Variants in LRRC8D observed in about 807,000 individuals in gnomAD.
LRRC8D encodes the protein volume-regulated anion channel subunit LRRC8D.
In LRRC8D, 20 loss-of-function variants were observed where a neutral mutation model predicts 55.8. That is an observed-to-expected ratio of 0.36 (90% CI 0.25 to 0.52). The LOEUF (loss-of-function observed/expected upper bound fraction) is 0.52. Among genes scored for constraint, LRRC8D ranks in the 20% least tolerant of loss-of-function variants. The probability of loss-of-function intolerance (pLI) is 0.93; values close to 1 mark genes in which losing one functional copy is unlikely to be tolerated. For missense variants in LRRC8D, 651 were observed against 1,030.8 expected (o/e 0.63, Z 5.05); for synonymous variants, 352 against 377.0 (o/e 0.93, Z 0.77).
chr1:89,857,435 A>G (rs1337849621), intron 2 of LRRC8D, among the ~76,000 whole-genome samples: 1 of 150,874 alleles, frequency 6.6e-6, no homozygotes, highest in African/African-American at 2.4e-5. Flanking sequence ...ATTATAGGTG[A>G]TTTTGACTTT....
chr1:89,892,086 T>G (rs1385891488), intron 2 of LRRC8D, among the ~76,000 whole-genome samples: 1 of 152,224 alleles, frequency 6.6e-6, no homozygotes. Flanking sequence ...CATGCTACAT[T>G]GTTCCGTTTC....
intron 2 of LRRC8D, among the ~76,000 whole-genome samples, chr1:89,923,605 A>C (rs1445446094): frequency 6.6e-6 from 1 of 152,216 alleles, no homozygotes; most frequent in Non-Finnish European, 1.5e-5. Flanking sequence ...TATGGAACCC[A>C]AAAAAAGCCA....
At chr1:89,875,626 T>G (rs1019333964) in intron 2 of LRRC8D, among the ~76,000 whole-genome samples, 11 of 152,200 alleles carry the variant, frequency 7.2e-5, no homozygotes, top group African/African-American at 2.7e-4. Flanking sequence ...CTTCCACCTC[T>G]TTTAAGGTCT....
rs931043625 is a variant in LRRC8D at position 89,911,503 on chromosome 1, C to T, written c.-2-21564C>T. ...ATGTTCAAAATAAGAAACAAGTAGC[C>T]GTAAGAAAAACATCTTGGTACTCTC... On this transcript the variant is annotated intron_variant, in intron 2 of 2. Transcript: ENST00000337338. The surrounding 1 kb of genome is among the most constrained non-coding windows in gnomAD (Gnocchi z 4.0). 3.3e-5 allele frequency among the ~76,000 whole-genome samples: 5 copies of T among 152,052 alleles called. No individual in the cohort carries two copies. The highest frequency in any genetic ancestry group is 5.9e-5 in the Non-Finnish European group (4 of 68,032).
intron 2 of LRRC8D, among the ~76,000 whole-genome samples, chr1:89,883,094 T>C (rs890638574): frequency 5.3e-5 from 8 of 152,094 alleles, no homozygotes; most frequent in African/African-American, 1.4e-4. Context: ...CTGAGGAGGC[T>C]GAGACGGGAG....
intron 2 of LRRC8D, among the ~76,000 whole-genome samples, chr1:89,919,284 C>G (rs556636449): frequency 1.1e-4 from 16 of 152,284 alleles, no homozygotes; most frequent in Admixed American, 8.5e-4. Flanking sequence ...TACTCAGGTT[C>G]TTTTCCAGCA....
chr1:89,858,643 TA>T (rs1166652093), intron 2 of LRRC8D, among the ~76,000 whole-genome samples: 1 of 146,376 alleles, frequency 6.8e-6, no homozygotes, highest in African/African-American at 2.5e-5. Context: ...TTTTAGTAAA[TA>T]AAATTTTGTA....
chr1:89,823,238 T>C (rs1312058465), intron 1 of LRRC8D, among the ~76,000 whole-genome samples: 1 of 152,204 alleles, frequency 6.6e-6, no homozygotes, highest in Non-Finnish European at 1.5e-5. Flanking sequence ...GATGCAACAC[T>C]TAAAGTATTG....
chr1:89,933,013 T>C lies in LRRC8D; in HGVS notation c.-2-54T>C. On this transcript the variant is annotated intron_variant, in intron 2 of 2. Coordinates refer to ENST00000337338, the MANE Select transcript of LRRC8D (RefSeq NM_001134479.2). The surrounding 1 kb of genome is among the most constrained non-coding windows in gnomAD (Gnocchi z 7.0). Reference sequence around the variant, plus strand: ...GAGCAGGCATAGGGTTTTTCTCATTTACTCTTTTCATTTGCATCTCTAGAA... The same window carrying C: ...GAGCAGGCATAGGGTTTTTCTCATTCACTCTTTTCATTTGCATCTCTAGAA... 2.0e-6 allele frequency: 3 copies of C among 1,516,662 alleles called. No homozygotes were observed. The South Asian group carries it at 3.8e-5, about 19-fold the overall frequency. 94.0% of individuals were successfully genotyped at this position (1,516,662 alleles called of 1,614,324 possible).
At chr1:89,891,559 C>T (rs1464773881) in intron 2 of LRRC8D, among the ~76,000 whole-genome samples, 1 of 152,182 alleles carries the variant, frequency 6.6e-6, no homozygotes, top group East Asian at 1.9e-4. Context: ...GTGCCTGCAA[C>T]AGTTATTGCT....
intron 2 of LRRC8D, among the ~76,000 whole-genome samples, chr1:89,871,145 A>G (rs527964843): frequency 4.6e-5 from 7 of 152,310 alleles, no homozygotes; most frequent in African/African-American, 1.7e-4. Context: ...TTCATTTGCC[A>G]CTGCTAGAAG....
At chr1:89,901,434 G>A (rs1662846439) in intron 2 of LRRC8D, among the ~76,000 whole-genome samples, 1 of 152,196 alleles carries the variant, frequency 6.6e-6, no homozygotes, top group Non-Finnish European at 1.5e-5. Flanking sequence ...GATTTAACCT[G>A]GAAGGAGTTG....
chr1:89,884,776 C>T (rs569282183), intron 2 of LRRC8D, among the ~76,000 whole-genome samples: 3 of 152,172 alleles, frequency 2.0e-5, no homozygotes, highest in Non-Finnish European at 2.9e-5. Context: ...AACCAGAGAA[C>T]GGCACAGTAA....
intron 2 of LRRC8D, among the ~76,000 whole-genome samples, chr1:89,850,630 T>C (rs1661388198): frequency 6.6e-6 from 1 of 152,238 alleles, no homozygotes; most frequent in African/African-American, 2.4e-5. Context: ...TTTTATGTTC[T>C]TTTTTATCAA....
intron 2 of LRRC8D, among the ~76,000 whole-genome samples, chr1:89,932,189 C>T (rs143806531): frequency 5.8e-4 from 88 of 152,314 alleles, no homozygotes; most frequent in Middle Eastern, 3.4e-3. Flanking sequence ...ACCGGGGCTT[C>T]ATTCATGGCT....
chr1:89,933,041 A>G lies in LRRC8D; in HGVS notation c.-2-26A>G. The G allele has an allele frequency of 1.3e-6, 2 of 1,585,608 alleles. No homozygotes were observed. Among genetic ancestry groups the G allele is most frequent in the Non-Finnish European group, 1.7e-6 (2 of 1,160,682 alleles). ...TCTTTTCATTTGCATCTCTAGAATA[A>G]TGTCTTTTGTCTTCTTGTTTTCTAG... On this transcript the variant is annotated intron_variant, in intron 2 of 2. Coordinates refer to ENST00000337338, the MANE Select transcript of LRRC8D (RefSeq NM_001134479.2). The surrounding 1 kb of genome is among the most constrained non-coding windows in gnomAD (Gnocchi z 7.0).
intron 2 of LRRC8D, among the ~76,000 whole-genome samples, chr1:89,925,492 G>A (rs1331144374): frequency 6.6e-6 from 1 of 152,150 alleles, no homozygotes; most frequent in African/African-American, 2.4e-5. Flanking sequence ...GTGCCAAAAT[G>A]GTTGGGGACT....
At chr1:89,870,025 T>G (rs1240094027) in intron 2 of LRRC8D, among the ~76,000 whole-genome samples, 1 of 151,932 alleles carries the variant, frequency 6.6e-6, no homozygotes, top group East Asian at 1.9e-4. Context: ...GGAGAATTGC[T>G]TGAACCCAGG....
chr1:89,849,065 C>G (rs1661348673), intron 2 of LRRC8D, among the ~76,000 whole-genome samples: 1 of 152,156 alleles, frequency 6.6e-6, no homozygotes, highest in African/African-American at 2.4e-5. Context: ...CAAGCTAAGG[C>G]CTGGACTTGG....
Sources: allele counts gnomAD v4.1 joint callset (sites outside exome capture counted in the v4.1 genomes callset), GRCh38; gene constraint gnomAD v4.1.1; non-coding constraint Gnocchi (gnomAD v3.1); transcripts MANE v1.5; gene names NCBI Gene and HGNC (gene_info 2026-07-23, HGNC 2026-07-21).